The following DNAJC3 variants were observed in gnomAD, a reference collection of about 807,000 sequenced individuals.
DNAJC3 encodes dnaJ homolog subfamily C member 3.
DNAJC3 carries 38 observed loss-of-function variants against 68.6 expected under a neutral mutation model. The ratio of observed to expected loss-of-function variants is 0.55; its 90% CI spans 0.43 to 0.73. DNAJC3 has a LOEUF of 0.73. Ranked by LOEUF, DNAJC3 falls within the 30% of genes least tolerant of loss-of-function variation. The pLI, the probability that DNAJC3 is intolerant of heterozygous loss-of-function variation, is 0.00. For missense variants in DNAJC3, 526 were observed against 591.9 expected (o/e 0.89, Z 1.16); for synonymous variants, 203 against 204.0 (o/e 1.00, Z 0.04).
intron 9 of DNAJC3, among the ~76,000 whole-genome samples, chr13:95,764,369 C>CTATATA (rs1340131404): frequency 4.4e-5 from 6 of 136,760 alleles, no homozygotes; most frequent in African/African-American, 1.9e-4. Context: ...CTCTCTCTCT[C>CTATATA]TCTCTCTATA....
At chr13:95,764,958 T>G (rs1318888660) in intron 9 of DNAJC3, among the ~76,000 whole-genome samples, 1 of 151,972 alleles carries the variant, frequency 6.6e-6, no homozygotes, top group Admixed American at 6.6e-5. Context: ...TGGTAAAATT[T>G]GGTTTGTGAT....
chr13:95,759,961 A>G (rs1293245811), intron 5 of DNAJC3, 79 bp from the exon 6 acceptor site: 3 of 1,353,668 alleles, frequency 2.2e-6, no homozygotes, highest in Admixed American at 2.5e-5. Context: ...ATAAATACGT[A>G]GATAAAAAAT....
At chr13:95,726,837 C>T (rs958250557) in intron 4 of DNAJC3, among the ~76,000 whole-genome samples, 8 of 152,186 alleles carry the variant, frequency 5.3e-5, no homozygotes, top group African/African-American at 1.9e-4. Flanking sequence ...ATGATAACCA[C>T]TATGAAAAGA....
At position 95,688,927 on chromosome 13, in the gene DNAJC3, G is replaced by GGTGGGT. The variant is rs1555321770; in HGVS notation, c.82+11593_82+11594insGGTGTG. ...GAGACAAAGCCCATTTGATTGTGTGGGTGTGTGTGTGTGTGTGTGTGTGTG... is the reference window on the plus strand; with the variant it reads ...GAGACAAAGCCCATTTGATTGTGTGGGTGGGTGTGTGTGTGTGTGTGTGTGTGTGTG... On this transcript the variant is annotated intron_variant, in intron 1 of 11. Transcript: ENST00000602402. 4.7e-4 allele frequency among the ~76,000 whole-genome samples: 61 copies of GGTGGGT among 129,752 alleles called. 1 individual carries two copies. Among genetic ancestry groups the GGTGGGT allele is most frequent in the African/African-American group, 1.8e-3 (59 of 32,588 alleles). The allele number at this position is 129,752 out of a possible 152,430, so 85.1% of individuals were successfully genotyped here.
At chr13:95,712,405 G>A (rs994786778) in intron 2 of DNAJC3, among the ~76,000 whole-genome samples, 2 of 140,632 alleles carry the variant, frequency 1.4e-5, no homozygotes, top group Non-Finnish European at 3.0e-5. Flanking sequence ...GCAGAGTCTC[G>A]CTGTGTCACC....
chr13:95,697,521 G>T (rs1439824840), intron 1 of DNAJC3, among the ~76,000 whole-genome samples: 3 of 152,140 alleles, frequency 2.0e-5, no homozygotes, highest in Admixed American at 1.3e-4. Context: ...TATCTTCCAG[G>T]TGCCCTGTGA....
intron 1 of DNAJC3, among the ~76,000 whole-genome samples, chr13:95,691,508 A>G (rs1245635714): frequency 6.7e-6 from 1 of 150,352 alleles, no homozygotes; most frequent in Non-Finnish European, 1.5e-5. Flanking sequence ...GCGGCCGGGA[A>G]GAGGCACTCC....
intron 4 of DNAJC3, among the ~76,000 whole-genome samples, chr13:95,732,433 T>G (rs1279405400): frequency 6.6e-6 from 1 of 152,178 alleles, no homozygotes; most frequent in African/African-American, 2.4e-5. Flanking sequence ...TTTATCCATT[T>G]CCTCTAGATT....
At chr13:95,738,315 G>C (rs1882002685) in intron 4 of DNAJC3, among the ~76,000 whole-genome samples, 1 of 150,542 alleles carries the variant, frequency 6.6e-6, no homozygotes, top group South Asian at 2.1e-4. Context: ...TTGGGGTGGA[G>C]AGTTCTGTAG....
chr13:95,739,611 C>T (rs567819352), intron 4 of DNAJC3, among the ~76,000 whole-genome samples: 38 of 152,306 alleles, frequency 2.5e-4, no homozygotes, highest in African/African-American at 7.5e-4. Context: ...TCCAGTTGAT[C>T]GTATTGGCTC....
At chr13:95,721,979 A>G (rs1255646823) in intron 2 of DNAJC3, among the ~76,000 whole-genome samples, 2 of 152,208 alleles carry the variant, frequency 1.3e-5, no homozygotes, top group Admixed American at 1.3e-4. Context: ...GTTTAATTGT[A>G]TATCTTATGA....
intron 9 of DNAJC3, among the ~76,000 whole-genome samples, chr13:95,777,898 C>T (rs917448846): frequency 2.0e-5 from 3 of 152,156 alleles, no homozygotes; most frequent in East Asian, 3.8e-4. Context: ...AGATAGACCA[C>T]GTGTGACACC....
intron 2 of DNAJC3, among the ~76,000 whole-genome samples, chr13:95,721,605 T>A (rs1177310258): frequency 6.6e-6 from 1 of 152,012 alleles, no homozygotes; most frequent in Non-Finnish European, 1.5e-5. Context: ...ATAATAGCCA[T>A]CCTAATGGGT....
At chr13:95,772,581 C>A (rs971269548) in intron 9 of DNAJC3, among the ~76,000 whole-genome samples, 9 of 152,078 alleles carry the variant, frequency 5.9e-5, no homozygotes, top group Non-Finnish European at 1.3e-4. Context: ...GTGTTAGTAT[C>A]TATTGTGGTT....
intron 1 of DNAJC3, among the ~76,000 whole-genome samples, chr13:95,695,992 GTGCTATAAA>G (rs1207151452): frequency 3.9e-5 from 6 of 152,120 alleles, no homozygotes; most frequent in Non-Finnish European, 2.9e-5. Context: ...AATGATATAT[GTGCTATAAA>G]TGCTTGATTG....
rs1478582346 is a variant in DNAJC3 at position 95,790,983 on chromosome 13, C to A, written c.1468C>A (p.Pro490Thr). ...RSWNSWQGFNPFSSGGPFRFK... is the reference protein window; with the variant it reads ...RSWNSWQGFNTFSSGGPFRFK... ...CTGGAACTCATGGCAAGGGTTCAATCCCTTCAGCTCAGGCGGACCATTTAG... is the reference window on the plus strand; with the variant it reads ...CTGGAACTCATGGCAAGGGTTCAATACCTTCAGCTCAGGCGGACCATTTAG... The change falls in exon 12 of 12, where the codon CCC (proline) becomes ACC (threonine). Residue 490 changes from proline to threonine, a missense_variant. Transcript: ENST00000602402. 1.2e-6 allele frequency: 2 copies of A among 1,613,498 alleles called. No individual in the cohort carries two copies. Among genetic ancestry groups the A allele is most frequent in the African/African-American group, 1.3e-5 (1 of 74,852 alleles).
chr13:95,735,552 T>C (rs1162106036), intron 4 of DNAJC3, among the ~76,000 whole-genome samples: 29 of 151,366 alleles, frequency 1.9e-4, no homozygotes, highest in African/African-American at 6.9e-4. Flanking sequence ...GGTTTTGATT[T>C]GCATTTCTCT....
intron 9 of DNAJC3, among the ~76,000 whole-genome samples, chr13:95,767,613 G>A (rs1458364907): frequency 6.6e-6 from 1 of 151,522 alleles, no homozygotes; most frequent in African/African-American, 2.4e-5. Context: ...TTTTTGTCAT[G>A]GTTACACCAT....
At chr13:95,745,866 AC>A (rs1434144616) in intron 4 of DNAJC3, 1 of 152,138 alleles carries the variant, frequency 6.6e-6, no homozygotes, top group Non-Finnish European at 1.5e-5. Flanking sequence ...AGAGGTAGGA[AC>A]CTTGAGTTTT....
Sources: gnomAD v4.1 joint callset for allele counts (sites outside exome capture counted in the v4.1 genomes callset) on GRCh38, gnomAD v4.1.1 for gene constraint, MANE v1.5 for transcripts, NCBI Gene and HGNC (gene_info 2026-07-23, HGNC 2026-07-21) for gene names.